Variants in CRPPA observed in about 807,000 individuals in gnomAD.
The protein encoded by CRPPA is D-ribitol-5-phosphate cytidylyltransferase.
Under a neutral mutation model 52.0 loss-of-function variants are expected in CRPPA, and 43 were observed. The observed-to-expected ratio is 0.83, with a 90% confidence interval of 0.65 to 1.07. CRPPA has a LOEUF of 1.07. Among genes scored for constraint, CRPPA ranks in the 50% least tolerant of loss-of-function variants. The pLI, the probability that CRPPA is intolerant of heterozygous loss-of-function variation, is 0.00. For missense variants in CRPPA, 629 were observed against 551.7 expected (o/e 1.14, Z -1.40); for synonymous variants, 250 against 203.5 (o/e 1.23, Z -1.94).
chr7:16,108,004 T>C (rs1361501365), intron 9 of CRPPA, among the ~76,000 whole-genome samples: 3 of 151,586 alleles, frequency 2.0e-5, no homozygotes, highest in Non-Finnish European at 4.4e-5. Context: ...TCAGTGGAAA[T>C]ACAAAACAAA....
At chr7:16,409,052 C>A (rs1788020733) in intron 1 of CRPPA, among the ~76,000 whole-genome samples, 1 of 152,192 alleles carries the variant, frequency 6.6e-6, no homozygotes, top group African/African-American at 2.4e-5. Context: ...CAGGCACCTG[C>A]CACCACACAT....
chr7:16,363,119 C>T (rs938911259), intron 3 of CRPPA, among the ~76,000 whole-genome samples: 1 of 152,170 alleles, frequency 6.6e-6, no homozygotes, highest in Non-Finnish European at 1.5e-5. Context: ...CAAAAGGCTG[C>T]TCCTCTGCCC....
chr7:16,352,532 T>G (rs1214455348), intron 3 of CRPPA, among the ~76,000 whole-genome samples: 2 of 152,108 alleles, frequency 1.3e-5, no homozygotes, highest in East Asian at 3.9e-4. Flanking sequence ...AATAGAGAAA[T>G]GCAAATTCAA....
At chr7:16,316,232 A>T (rs1785141252) in intron 3 of CRPPA, among the ~76,000 whole-genome samples, 1 of 152,114 alleles carries the variant, frequency 6.6e-6, no homozygotes, top group African/African-American at 2.4e-5. Flanking sequence ...GCCAGGTAGG[A>T]GGGGTTAAGA....
chr7:16,256,420 C>G (rs527388297), intron 8 of CRPPA, among the ~76,000 whole-genome samples: 6 of 152,158 alleles, frequency 3.9e-5, no homozygotes, highest in Non-Finnish European at 8.8e-5. Context: ...TGGGTATACA[C>G]CCAAAGGATT....
At chr7:16,361,789 A>G (rs928293086) in intron 3 of CRPPA, among the ~76,000 whole-genome samples, 2 of 152,206 alleles carry the variant, frequency 1.3e-5, no homozygotes, top group Admixed American at 1.3e-4. Flanking sequence ...ACTTAATGTC[A>G]CTGAACCACA....
intron 8 of CRPPA, chr7:16,216,599 G>A (rs565502710): frequency 3.0e-5 from 5 of 164,066 alleles, no homozygotes; most frequent in Non-Finnish European, 6.6e-5. Flanking sequence ...GTGCGTGAGC[G>A]GAAGCAGGGC....
At chr7:16,363,814 G>T (rs1287338823) in intron 3 of CRPPA, among the ~76,000 whole-genome samples, 2 of 152,144 alleles carry the variant, frequency 1.3e-5, no homozygotes, top group South Asian at 4.1e-4. Context: ...ACAATCATGG[G>T]AGTAGAAAAC....
In CRPPA at chr7:16,421,200, C is replaced by T. The variant is rs761842188; in HGVS notation, c.123G>A (p.Gly41=). The T allele has an allele frequency of 2.2e-5, 30 of 1,343,056 alleles. No individual in the cohort carries two copies. Among genetic ancestry groups the T allele is most frequent in the Non-Finnish European group, 2.8e-5 (29 of 1,041,516 alleles). 83.2% of individuals were successfully genotyped at this position (1,343,056 alleles called of 1,614,324 possible). Residue 41 remains glycine (G), a synonymous_variant, in exon 1 of 10, where the codon GGG becomes GGA. Coordinates refer to ENST00000407010, the MANE Select transcript of CRPPA (RefSeq NM_001101426.4). ...SLQSVAGTEP[G]RHPQAVAAVL... The stretch of plus-strand genomic sequence containing the variant: ...CAGCTGCCACGGCTTGCGGGTGGCG[C>T]CCGGGCTCGGTCCCGGCCACGCTCT...
intron 8 of CRPPA, among the ~76,000 whole-genome samples, chr7:16,222,565 G>C (rs1020390233): frequency 2.6e-5 from 4 of 152,052 alleles, no homozygotes; most frequent in African/African-American, 9.7e-5. Context: ...TTTTAACTGG[G>C]TGAGATAGAA....
chr7:16,225,081 T>C lies in CRPPA; in HGVS notation c.1120-8884A>G, dbSNP rs75663744. 4.5e-3 allele frequency among the ~76,000 whole-genome samples: 688 copies of C among 152,180 alleles called. 4 individuals carry two copies. Among genetic ancestry groups the C allele is most frequent in the African/African-American group, 0.016 (659 of 41,564 alleles). On this transcript the variant is annotated intron_variant, in intron 8 of 9. Transcript: ENST00000407010. ...AACAAAAGGTAGTAAACAAAACACA[T>C]TGCATTAAAACATTAACCATACAAA...
At chr7:16,221,953 C>A (rs1461451969) in intron 8 of CRPPA, among the ~76,000 whole-genome samples, 1 of 151,978 alleles carries the variant, frequency 6.6e-6, no homozygotes, top group Non-Finnish European at 1.5e-5. Flanking sequence ...TGGGTACATA[C>A]CCAAAGGACT....
intron 9 of CRPPA, among the ~76,000 whole-genome samples, chr7:16,151,689 A>T (rs1401768342): frequency 6.6e-6 from 1 of 152,092 alleles, no homozygotes; most frequent in Non-Finnish European, 1.5e-5. Flanking sequence ...ATTCATGTAC[A>T]TACTTTACAA....
chr7:16,257,756 A>G (rs11769530), intron 8 of CRPPA, among the ~76,000 whole-genome samples: 30,451 of 151,966 alleles, frequency 0.2, 3,188 homozygotes, highest in East Asian at 0.39. Flanking sequence ...TCTGCTCCTC[A>G]GCCAATTTAG....
At chr7:16,195,383 T>G (rs1373996404) in intron 9 of CRPPA, among the ~76,000 whole-genome samples, 3 of 152,082 alleles carry the variant, frequency 2.0e-5, no homozygotes, top group Non-Finnish European at 4.4e-5. Context: ...GATCTGCCCC[T>G]CTCTTCCTCA....
intron 9 of CRPPA, among the ~76,000 whole-genome samples, chr7:16,149,485 C>A (rs879256174): frequency 2.6e-5 from 4 of 152,086 alleles, no homozygotes; most frequent in African/African-American, 4.8e-5. Context: ...TCATTACGGT[C>A]TGAGAAATTC....
chr7:16,225,584 T>C (rs941395354), intron 8 of CRPPA, among the ~76,000 whole-genome samples: 6 of 151,972 alleles, frequency 3.9e-5, no homozygotes, highest in Non-Finnish European at 7.4e-5. Flanking sequence ...TATATGCTTC[T>C]CCAAAATTTA....
chr7:16,105,579 C>G (rs1782135023), intron 9 of CRPPA, among the ~76,000 whole-genome samples: 1 of 152,150 alleles, frequency 6.6e-6, no homozygotes. Flanking sequence ...TCCTAGTGAT[C>G]ATGTCACAGA....
rs1316783386 is a variant in CRPPA at position 16,087,991 on chromosome 7, GTTAAA to G, written c.*3699_*3703del. 1.3e-5 allele frequency: 2 copies of G among 152,040 alleles called. No individual in the cohort carries two copies. Among genetic ancestry groups the G allele is most frequent in the Non-Finnish European group, 2.9e-5 (2 of 67,980 alleles). 9.4% of individuals were successfully genotyped at this position (152,040 alleles called of 1,614,324 possible). A position where few individuals can be genotyped will look rare whatever the true frequency, so the allele number is the denominator to read the frequency against. On this transcript the variant is annotated 3_prime_UTR_variant, in exon 10 of 10. Coordinates refer to ENST00000407010, the MANE Select transcript of CRPPA (RefSeq NM_001101426.4). ...ATAAGTTAGGGAAGAAAAAATTTCT[GTTAAA>G]TTAATGTAAAATACTTACAATAATA...
Sources: gnomAD v4.1 joint callset for allele counts (sites outside exome capture counted in the v4.1 genomes callset) on GRCh38, gnomAD v4.1.1 for gene constraint, MANE v1.5 for transcripts, NCBI Gene and HGNC (gene_info 2026-07-23, HGNC 2026-07-21) for gene names.